The following RYR2 variants were observed in gnomAD, a reference collection of about 807,000 sequenced individuals.
RYR2 encodes cardiac muscle ryanodine receptor-calcium release channel.
RYR2 carries 227 observed loss-of-function variants against 601.1 expected under a neutral mutation model. That is an observed-to-expected ratio of 0.38 (90% CI 0.34 to 0.42). RYR2 has a LOEUF of 0.42. Ranked by LOEUF, RYR2 falls within the 10% of genes least tolerant of loss-of-function variation. The pLI, the probability that RYR2 is intolerant of heterozygous loss-of-function variation, is 1.00. For synonymous variants in RYR2, 2,223 were observed against 2,175.1 expected, an observed-to-expected ratio of 1.02 and a Z score of -0.61; for missense variants, 4,646 against 6,156.5, an observed-to-expected ratio of 0.75 and a Z score of 8.21.
chr1:237,563,858 C>T (rs1253263812), intron 27 of RYR2, among the ~76,000 whole-genome samples: 8 of 151,882 alleles, frequency 5.3e-5, no homozygotes, highest in Non-Finnish European at 1.0e-4. Context: ...TATTAGAAAC[C>T]AAACACAGAA....
chr1:237,788,620 C>G (rs569280235), intron 92 of RYR2, among the ~76,000 whole-genome samples: 5 of 151,966 alleles, frequency 3.3e-5, no homozygotes, highest in African/African-American at 9.7e-5. Context: ...TAACATCACC[C>G]TTTTACTTAA....
At chr1:237,830,780 T>C in intron 103 of RYR2, 150 bp downstream of exon 103, 1 of 517,144 alleles carries the variant, frequency 1.9e-6, no homozygotes, top group Non-Finnish European at 3.5e-6. Flanking sequence ...AATGGCTCTC[T>C]TTTCCTCTGG....
At chr1:237,347,379 T>C (rs745610304) in intron 3 of RYR2, among the ~76,000 whole-genome samples, 4 of 152,094 alleles carry the variant, frequency 2.6e-5, no homozygotes, top group Non-Finnish European at 5.9e-5. Flanking sequence ...TAATAATAGG[T>C]TCTCAATATA....
chr1:237,514,818 T>G (rs1666256126), intron 24 of RYR2, among the ~76,000 whole-genome samples: 1 of 152,174 alleles, frequency 6.6e-6, no homozygotes. Flanking sequence ...CATGGAATTA[T>G]TATAGGGACT....
At chr1:237,425,242 T>G (rs965489252) in intron 12 of RYR2, among the ~76,000 whole-genome samples, 4 of 152,200 alleles carry the variant, frequency 2.6e-5, no homozygotes, top group Non-Finnish European at 5.9e-5. Context: ...TTGATGAATT[T>G]CCTTCCTAAT....
intron 33 of RYR2, among the ~76,000 whole-genome samples, chr1:237,594,885 GGTTTTTTTTTTTTTTTTTTTTTTTTTTT>G (rs1675642008): frequency 1.3e-5 from 1 of 79,048 alleles, no homozygotes; most frequent in Non-Finnish European, 2.1e-5. Flanking sequence ...AATATCACTG[GGTTTTTTTTTTTTTTTTTTTTTTTTTTT>G]TTTTTTTTTT....
At chr1:237,481,127 C>CATAAATATAT (rs764876848) in intron 17 of RYR2, among the ~76,000 whole-genome samples, 1 of 145,478 alleles carries the variant, frequency 6.9e-6, no homozygotes, top group African/African-American at 2.5e-5. Flanking sequence ...TATATATATA[C>CATAAATATAT]ACACACATAT....
At chr1:237,566,816 G>C in intron 28 of RYR2, 41 bp downstream of exon 28, 8 of 1,591,810 alleles carry the variant, frequency 5.0e-6, no homozygotes, top group Non-Finnish European at 6.9e-6. Flanking sequence ...TGTACGTGCT[G>C]GAGGCTCATC....
chr1:237,436,502 A>ACTAAGC lies in RYR2; in HGVS notation c.1006-4814_1006-4809dup, dbSNP rs1558814908. Among the ~76,000 whole-genome samples, 14 of 77,016 alleles carry ACTAAGC rather than the reference A, an allele frequency of 1.8e-4. No homozygotes were observed. In the South Asian group the frequency reaches 5.5e-3, roughly 30 times the overall value. 50.5% of individuals were successfully genotyped at this position (77,016 alleles called of 152,430 possible). A position where few individuals can be genotyped will look rare whatever the true frequency, so the allele number is the denominator to read the frequency against. ...TTGCATTTCTGTCCTGGAAGGGCTA[A>ACTAAGC]CTAAGCCTGGCCTGGCCTGTCAGTA... On this transcript the variant is annotated intron_variant, in intron 12 of 104. Transcript: ENST00000366574.
chr1:237,511,619 A>G, intron 23 of RYR2, 69 bp from the exon 24 acceptor site: 1 of 1,222,750 alleles, frequency 8.2e-7, no homozygotes, highest in South Asian at 1.3e-5. Context: ...TTTCTACCAC[A>G]CAGTTGAATT....
chr1:237,478,941 T>G (rs759832221), intron 17 of RYR2, among the ~76,000 whole-genome samples: 1 of 152,148 alleles, frequency 6.6e-6, no homozygotes, highest in Non-Finnish European at 1.5e-5. Context: ...ATAGAATAAC[T>G]CTCTCATGTA....
At chr1:237,301,235 T>C (rs1276601025) in intron 2 of RYR2, among the ~76,000 whole-genome samples, 1 of 152,200 alleles carries the variant, frequency 6.6e-6, no homozygotes, top group African/African-American at 2.4e-5. Context: ...TCTCTCTTTA[T>C]GCTCATCCAA....
chr1:237,441,300 T>C lies in RYR2; in HGVS notation c.1006-19T>C, dbSNP rs777241935. On this transcript the variant is annotated intron_variant, in intron 12 of 104. Transcript: ENST00000366574. ...TTTTTGAAATGTTTACTGACCTTTT[T>C]TTCCTCCTCTCCCCTTAGGAAAAAT... is the stretch of plus-strand genomic sequence containing the variant. 1.2e-6 allele frequency: 2 copies of C among 1,613,380 alleles called. No individual in the cohort carries two copies. Among genetic ancestry groups the C allele is most frequent in the East Asian group, 2.2e-5 (1 of 44,830 alleles).
At chr1:237,386,378 C>T (rs930998421) in intron 8 of RYR2, among the ~76,000 whole-genome samples, 1 of 152,090 alleles carries the variant, frequency 6.6e-6, no homozygotes, top group East Asian at 1.9e-4. Context: ...CTACTTTAGG[C>T]GTGACTGATC....
rs1675032251 is a variant in RYR2, at chr1:237,590,499, T to C, written c.3808-141T>C. 4.9e-6 allele frequency: 3 copies of C among 608,146 alleles called. No individual in the cohort carries two copies. In the South Asian group the frequency reaches 9.6e-5, roughly 19 times the overall value. 37.7% of individuals were successfully genotyped at this position (608,146 alleles called of 1,614,324 possible). ...TGACTATATCCATAGCACAGTAATCTGTTTAATCATCTCTTACAAAATGAT... is the reference window on the plus strand; with the variant it reads ...TGACTATATCCATAGCACAGTAATCCGTTTAATCATCTCTTACAAAATGAT... On this transcript the variant is annotated intron_variant, in intron 30 of 104. Coordinates refer to ENST00000366574, the MANE Select transcript of RYR2 (RefSeq NM_001035.3).
chr1:237,194,199 G>T (rs1051199193), intron 1 of RYR2, among the ~76,000 whole-genome samples: 2 of 152,172 alleles, frequency 1.3e-5, no homozygotes, highest in African/African-American at 4.8e-5. Flanking sequence ...GAGTTCCTTG[G>T]CTTCTACTGA....
intron 80 of RYR2, among the ~76,000 whole-genome samples, chr1:237,744,045 T>C (rs1306457096): frequency 5.3e-5 from 8 of 152,116 alleles, no homozygotes; most frequent in African/African-American, 1.4e-4. Context: ...GAAAGAAGCC[T>C]GCTTTTCCAT....
At chr1:237,393,938 T>C (rs999055207) in intron 10 of RYR2, among the ~76,000 whole-genome samples, 1 of 152,146 alleles carries the variant, frequency 6.6e-6, no homozygotes, top group South Asian at 2.1e-4. Context: ...AAAACATTCA[T>C]AGGAATTTGA....
chr1:237,686,474 G>C (rs1375059552), intron 62 of RYR2, among the ~76,000 whole-genome samples: 2 of 152,138 alleles, frequency 1.3e-5, no homozygotes, highest in Non-Finnish European at 2.9e-5. Flanking sequence ...AGTTTATTTA[G>C]TTTAATGAGT....
Sources: gnomAD v4.1 joint callset for allele counts (sites outside exome capture counted in the v4.1 genomes callset) on GRCh38, gnomAD v4.1.1 for gene constraint, MANE v1.5 for transcripts, NCBI Gene and HGNC (gene_info 2026-07-23, HGNC 2026-07-21) for gene names.